HNRNPH3: variants seen among roughly 807,000 people sequenced by gnomAD.
The protein encoded by HNRNPH3 is heterogeneous nuclear ribonucleoprotein H3, also known as heterogeneous nuclear ribonucleoprotein 2H9.
A neutral mutation model predicts 47.0 loss-of-function variants in HNRNPH3; 7 were observed. That is an observed-to-expected ratio of 0.15 (90% CI 0.08 to 0.28). The LOEUF is 0.28. Ranked by LOEUF, HNRNPH3 falls within the 10% of genes least tolerant of loss-of-function variation. HNRNPH3 has a pLI of 1.00. For missense variants in HNRNPH3, 279 were observed against 449.6 expected (o/e 0.62, Z 3.43); for synonymous variants, 120 against 143.2 (o/e 0.84, Z 1.16).
chr10:68,341,551 T>TTC (rs1341436102), intron 7 of HNRNPH3, 34 bp from the exon 8 acceptor site: 1 of 1,394,488 alleles, frequency 7.2e-7, no homozygotes, highest in Admixed American at 1.9e-5. Context: ...CATCATTCCT[T>TTC]TCTCCCCTGT....
At chr10:68,340,225 A>G (rs1257201474) in intron 6 of HNRNPH3, among the ~76,000 whole-genome samples, 6 of 152,126 alleles carry the variant, frequency 3.9e-5, no homozygotes, top group Non-Finnish European at 8.8e-5. Context: ...TTTAGTAGAG[A>G]TGGGGTTTCA....
In HNRNPH3 at chr10:68,339,196, G is replaced by A; in HGVS notation, c.493G>A (p.Gly165Ser). 1 of 1,606,002 alleles carries A rather than the reference G, an allele frequency of 6.2e-7. No homozygotes were observed. The highest frequency in any genetic ancestry group is 1.3e-5 in the African/African-American group (1 of 74,844). The change falls in exon 5 of 10, where the codon GGC becomes AGC. Residue 165 changes from glycine to serine, a missense_variant. Gly to Ser is a moderately conservative substitution (Grantham distance 56, BLOSUM62 0). Coordinates refer to ENST00000265866, the MANE Select transcript of HNRNPH3 (RefSeq NM_012207.3). ...GYNNYGYGND[G>S]FDDRMRDGRG... ...TAATAATTACGGCTATGGGAATGAT[G>A]GCTTTGATGACAGAATGAGAGATGG...
chr10:68,333,234 A>C (rs1026233457), intron 1 of HNRNPH3, among the ~76,000 whole-genome samples: 16 of 115,206 alleles, frequency 1.4e-4, no homozygotes, highest in Non-Finnish European at 2.3e-4. Context: ...TGTTTCAAGT[A>C]GGTCGTCTGG....
At chr10:68,338,388 A>C (rs942019311) in intron 3 of HNRNPH3, 115 bp from the exon 4 acceptor site, 8 of 568,108 alleles carry the variant, frequency 1.4e-5, no homozygotes, top group Non-Finnish European at 2.1e-5. Flanking sequence ...GTATTTAGGC[A>C]ATTTAAATTG....
chr10:68,342,287 CT>C lies in HNRNPH3; in HGVS notation c.*238del, dbSNP rs1235426220. 1.2e-5 allele frequency: 5 copies of C among 434,536 alleles called. No individual in the cohort carries two copies. The highest frequency in any genetic ancestry group is 2.0e-5 in the Non-Finnish European group (5 of 244,296). The allele number at this position is 434,536 out of a possible 1,614,324, so 26.9% of individuals were successfully genotyped here. On this transcript the variant is annotated 3_prime_UTR_variant, in exon 10 of 10. Coordinates refer to ENST00000265866, the MANE Select transcript of HNRNPH3 (RefSeq NM_012207.3). ...TATATTCAAACCACTGATGTTGATACTTTTTATATACTAGTTACTCCTAAAG... is the reference window on the plus strand; with the variant it reads ...TATATTCAAACCACTGATGTTGATACTTTTATATACTAGTTACTCCTAAAG...
intron 4 of HNRNPH3, 68 bp downstream of exon 4, chr10:68,338,755 A>T (rs959940995): frequency 3.1e-6 from 4 of 1,287,952 alleles, no homozygotes; most frequent in Admixed American, 2.5e-5. Flanking sequence ...TTGTCAAGAA[A>T]TACAGAAATG....
At chr10:68,335,547 T>A (rs34498513) in intron 1 of HNRNPH3, among the ~76,000 whole-genome samples, 6,220 of 152,260 alleles carry the variant, frequency 0.041, 156 homozygotes, top group Non-Finnish European at 0.048. Flanking sequence ...ATTAAACTTA[T>A]AAAAGCCTTT....
chr10:68,337,259 C>G lies in HNRNPH3; in HGVS notation c.38C>G (p.Ala13Gly). ...WVMKHNGPND[A>G]SDGTVRLRGL... The stretch of plus-strand genomic sequence containing the variant: ...ATGAAACATAATGGTCCAAATGACG[C>G]TAGTGATGGGACAGTACGACTTCGT... The change falls in exon 2 of 10, where the codon GCT (alanine) becomes GGT (glycine). Residue 13 changes from alanine (A) to glycine (G), a missense_variant. Ala to Gly is a moderately conservative substitution (Grantham distance 60). Coordinates refer to ENST00000265866, the MANE Select transcript of HNRNPH3 (RefSeq NM_012207.3). This position sits in a 1 kb window ranked among gnomAD's most constrained non-coding sequence, Gnocchi z 4.5. 1.2e-6 allele frequency: 2 copies of G among 1,612,888 alleles called. No homozygotes were observed. The highest frequency in any genetic ancestry group is 1.7e-6 in the Non-Finnish European group (2 of 1,178,960).
chr10:68,342,175 ATAT>A lies in HNRNPH3; in HGVS notation c.*126_*128del, dbSNP rs765594540. 10 of 655,062 alleles carry A rather than the reference ATAT, an allele frequency of 1.5e-5. No individual in the cohort carries two copies. Among genetic ancestry groups the A allele is most frequent in the Non-Finnish European group, 2.0e-5 (8 of 404,118 alleles). The allele number at this position is 655,062 out of a possible 1,614,324, so 40.6% of individuals were successfully genotyped here. On this transcript the variant is annotated 3_prime_UTR_variant, in exon 10 of 10. Transcript: ENST00000265866. ...ATGACTGAAGGAATGTGTTTTCAAA[ATAT>A]TATTTGGTAAAGCAACAGATTGTGA...
intron 4 of HNRNPH3, 85 bp from the exon 5 acceptor site, chr10:68,339,055 T>C (rs1217283870): frequency 5.4e-6 from 6 of 1,102,338 alleles, no homozygotes; most frequent in Non-Finnish European, 6.6e-6. Context: ...ACACAGACTG[T>C]TACCACAAAA....
At chr10:68,338,195 A>G (rs1389423175) in intron 3 of HNRNPH3, 199 bp downstream of exon 3, 6 of 479,888 alleles carry the variant, frequency 1.3e-5, no homozygotes, top group Non-Finnish European at 2.2e-5. Flanking sequence ...GATTGTTTCC[A>G]TTTCTCTGTA....
At position 68,338,565 on chromosome 10, in the gene HNRNPH3, G is replaced by C; in HGVS notation, c.314G>C (p.Arg105Thr). 5.6e-6 allele frequency: 9 copies of C among 1,613,224 alleles called. No individual in the cohort carries two copies. The highest frequency in any genetic ancestry group is 7.6e-6 in the Non-Finnish European group (9 of 1,179,244). The change falls in exon 4 of 10, where the codon AGA becomes ACA. Residue 105 changes from arginine to threonine, a missense_variant. Around this residue, in one of 2 missense-constraint regions of HNRNPH3, gnomAD observed 239 missense variants for 335.8 expected, o/e 0.71. Transcript: ENST00000265866. ...EIKGFYDPPRRLLGQRPGPYD... is the reference protein window; with the variant it reads ...EIKGFYDPPRTLLGQRPGPYD... Reference sequence around the variant, plus strand: ...AAAGGATTTTATGATCCACCAAGAAGATTGCTGGGACAGCGACCGGGACCA... The same window carrying C: ...AAAGGATTTTATGATCCACCAAGAACATTGCTGGGACAGCGACCGGGACCA...
chr10:68,341,984 G>T lies in HNRNPH3; in HGVS notation c.971G>T (p.Gly324Val). Residue 324 changes from glycine to valine, a missense_variant, in exon 10 of 10, where the codon GGT becomes GTT. Coordinates refer to ENST00000265866, the MANE Select transcript of HNRNPH3 (RefSeq NM_012207.3). ...TTAATATCTTTTTCTTAAGGCCGTG[G>T]TGGTGGAGGCAGTGGAGGTTACTAT... is the stretch of plus-strand genomic sequence containing the variant. The part of the protein sequence containing the change: ...TPDGLGGYGR[G>V]GGGSGGYYGQ... 6.2e-7 allele frequency: 1 copy of T among 1,614,044 alleles called. No homozygotes were observed. The highest frequency in any genetic ancestry group is 8.5e-7 in the Non-Finnish European group (1 of 1,179,948).
chr10:68,334,230 A>G (rs1302076685), intron 1 of HNRNPH3, among the ~76,000 whole-genome samples: 1 of 152,216 alleles, frequency 6.6e-6, no homozygotes, highest in African/African-American at 2.4e-5. Flanking sequence ...TGTTAAACTT[A>G]AATCATCAGC....
rs2045972694 is a variant in HNRNPH3, at chr10:68,341,819, G to T, written c.932G>T (p.Gly311Val). 2 of 1,610,836 alleles carry T rather than the reference G, an allele frequency of 1.2e-6. No individual in the cohort carries two copies. The highest frequency in any genetic ancestry group is 1.7e-6 in the Non-Finnish European group (2 of 1,177,926). Reference protein sequence around the residue: ...RMGMGNNYSGGYGTPDGLGGY... With the variant: ...RMGMGNNYSGVYGTPDGLGGY... ...GGAATGGGGAACAATTACAGTGGAG[G>T]ATATGGTACTCCTGATGGTTTGGGT... The change falls in exon 9 of 10, where the codon GGA becomes GTA. Residue 311 changes from glycine to valine, a missense_variant. Physicochemically the swap from Gly to Val is moderately radical, Grantham distance 109. Transcript: ENST00000265866.
Position 68,338,642 on chromosome 10 carries a change from A to T in HNRNPH3, c.391A>T (p.Ser131Cys), listed in dbSNP as rs1227993324. ...GGGTTATTATGGAGCTGGGCGTGGAAGTATGTATGACAGAATGCGACGAGG... is the reference window on the plus strand; with the variant it reads ...GGGTTATTATGGAGCTGGGCGTGGATGTATGTATGACAGAATGCGACGAGG... ...RGGYYGAGRG[S>C]MYDRMRRGGD... The change falls in exon 4 of 10, where the codon AGT (serine) becomes TGT (cysteine). Residue 131 changes from serine to cysteine, a missense_variant. Ser to Cys is a moderately radical substitution (Grantham distance 112). Transcript: ENST00000265866. 1.2e-6 allele frequency: 2 copies of T among 1,611,942 alleles called. No homozygotes were observed. Among genetic ancestry groups the T allele is most frequent in the Non-Finnish European group, 1.7e-6 (2 of 1,179,052 alleles).
intron 4 of HNRNPH3, 186 bp downstream of exon 4, chr10:68,338,873 T>TA: frequency 1.9e-6 from 1 of 540,526 alleles, no homozygotes; most frequent in Non-Finnish European, 3.1e-6. Flanking sequence ...CTAGAAAACT[T>TA]ACACAGAAAT....
intron 7 of HNRNPH3, 40 bp downstream of exon 7, chr10:68,341,349 G>T: frequency 6.4e-7 from 1 of 1,572,420 alleles, no homozygotes; most frequent in Non-Finnish European, 8.6e-7. Flanking sequence ...TTTCCTAAAC[G>T]TGAATTTATA....
At chr10:68,334,762 T>A (rs2045448843) in intron 1 of HNRNPH3, among the ~76,000 whole-genome samples, 1 of 152,224 alleles carries the variant, frequency 6.6e-6, no homozygotes, top group African/African-American at 2.4e-5. Flanking sequence ...TTATTGGTAC[T>A]AGCACCTAGA....
Sources: gnomAD v4.1 joint callset for allele counts (sites outside exome capture counted in the v4.1 genomes callset) on GRCh38, gnomAD v4.1.1 for gene constraint, gnomAD v4.1.1 regional missense constraint, Gnocchi (gnomAD v3.1) non-coding constraint, MANE v1.5 for transcripts, NCBI Gene and HGNC (gene_info 2026-07-23, HGNC 2026-07-21) for gene names.